The following SHROOM4 variants were observed in gnomAD, a reference collection of about 807,000 sequenced individuals.
SHROOM4 encodes the protein shroom family member 4, also known as protein Shroom4.
In SHROOM4, 17 loss-of-function variants were observed where a neutral mutation model predicts 80.3. The observed-to-expected ratio is 0.21, with a 90% CI of 0.14 to 0.32. The LOEUF is 0.32. Among genes scored for constraint, SHROOM4 ranks in the 10% least tolerant of loss-of-function variants. SHROOM4 has a pLI of 1.00. For missense variants in SHROOM4, 993 were observed against 1,140.3 expected, an observed-to-expected ratio of 0.87 and a Z score of 1.86; for synonymous variants, 400 against 437.5, an observed-to-expected ratio of 0.91 and a Z score of 1.07.
At chrX:50,649,313 C>T (rs143622930) in intron 2 of SHROOM4, among the ~76,000 whole-genome samples, 12 of 111,936 alleles carry the variant, frequency 1.1e-4, no homozygotes, top group African/African-American at 2.3e-4. Flanking sequence ...GGTTGGGGCA[C>T]GGTATGGACA....
intron 1 of SHROOM4, among the ~76,000 whole-genome samples, chrX:50,765,915 CA>C (rs1935264493): frequency 9.0e-6 from 1 of 111,676 alleles, no homozygotes; most frequent in South Asian, 3.8e-4. Flanking sequence ...CACTGTTCCC[CA>C]ATTTGTAACT....
At chrX:50,772,961 C>T (rs1049659754) in intron 1 of SHROOM4, among the ~76,000 whole-genome samples, 5 of 111,875 alleles carry the variant, frequency 4.5e-5, no homozygotes, top group African/African-American at 1.6e-4. Flanking sequence ...GACCAATGAC[C>T]AAGGGGCCAC....
rs1931311169 is a variant in SHROOM4 at position 50,635,534 on chromosome X, T to A, written c.539A>T (p.Asn180Ile). ...TGAGTCACGCTGGTTAGGGTACATG[T>A]TCTGGTCAATAGGCAACAGATGGCT... The part of the protein sequence containing the change: ...YESHLLPIDQ[N>I]MYPNQRDSAY... The change falls in exon 4 of 9, where the codon AAC becomes ATC. Residue 180 changes from asparagine (N) to isoleucine (I), a missense_variant. By Grantham distance (149) the Asn-to-Ile change is moderately radical (BLOSUM62 -3). Coordinates refer to ENST00000376020, the MANE Select transcript of SHROOM4 (RefSeq NM_020717.5). 8.3e-7 allele frequency: 1 copy of A among 1,208,498 alleles called. No individual in the cohort carries two copies. The highest frequency in any genetic ancestry group is 1.8e-5 in the African/African-American group (1 of 56,736).
chrX:50,775,958 T>C (rs1557270074), intron 1 of SHROOM4, among the ~76,000 whole-genome samples: 1 of 112,351 alleles, frequency 8.9e-6, no homozygotes, highest in Admixed American at 9.4e-5. Flanking sequence ...TAAGTATGAT[T>C]GCCGTTATGA....
At chrX:50,707,420 T>C (rs1279672151) in intron 1 of SHROOM4, among the ~76,000 whole-genome samples, 2 of 112,349 alleles carry the variant, frequency 1.8e-5, no homozygotes, top group Non-Finnish European at 3.8e-5. Context: ...GCCACCATGA[T>C]ATGGCTTTAA....
intron 5 of SHROOM4, among the ~76,000 whole-genome samples, chrX:50,609,074 G>T (rs1929829890): frequency 9.1e-6 from 1 of 110,208 alleles, no homozygotes; most frequent in Non-Finnish European, 1.9e-5. Context: ...ACTAGCCTAG[G>T]CAACATAGCA....
At chrX:50,770,147 C>T (rs1197669737) in intron 1 of SHROOM4, among the ~76,000 whole-genome samples, 1 of 110,789 alleles carries the variant, frequency 9.0e-6, no homozygotes, top group Admixed American at 9.6e-5. Context: ...CAGCAACTCC[C>T]CTGCCCCAAG....
At chrX:50,738,225 C>T (rs1234350708) in intron 1 of SHROOM4, among the ~76,000 whole-genome samples, 1 of 111,315 alleles carries the variant, frequency 9.0e-6, no homozygotes, top group Non-Finnish European at 1.9e-5. Context: ...CAATATCATA[C>T]TGAATGGGCA....
At chrX:50,755,007 A>T (rs2082297675) in intron 1 of SHROOM4, among the ~76,000 whole-genome samples, 2 of 112,272 alleles carry the variant, frequency 1.8e-5, no homozygotes, top group Admixed American at 9.4e-5. Context: ...TATCTTCCTC[A>T]CAGGATTATG....
rs147774621 is a variant in SHROOM4 at position 50,588,719 on chromosome X, C to T, written c.*7976G>A. Among the ~76,000 whole-genome samples, 3,925 of 112,465 alleles carry T rather than the reference C, an allele frequency of 0.035. 159 individuals carry two copies. Among genetic ancestry groups the T allele is most frequent in the African/African-American group, 0.11 (3,537 of 30,972 alleles). ...CTTTACTTTTCCTTATATTGTTCTA[C>T]TTCAATCTCACCTCAATAAAAATAA... On this transcript the variant is annotated 3_prime_UTR_variant, in exon 9 of 9. Transcript: ENST00000376020.
intron 1 of SHROOM4, among the ~76,000 whole-genome samples, chrX:50,763,494 C>CA (rs1333446895): frequency 9.0e-6 from 1 of 111,428 alleles, no homozygotes; most frequent in Non-Finnish European, 1.9e-5. Context: ...TATACTGTAA[C>CA]AAATCTAGAT....
At chrX:50,598,136 T>C in intron 8 of SHROOM4, 130 bp downstream of exon 8, 1 of 922,951 alleles carries the variant, frequency 1.1e-6, no homozygotes, top group African/African-American at 1.9e-5. Context: ...ACCGTGCCCA[T>C]CCTCAGTGCT....
intron 1 of SHROOM4, among the ~76,000 whole-genome samples, chrX:50,799,033 C>T (rs781977434): frequency 8.9e-6 from 1 of 112,205 alleles, no homozygotes; most frequent in East Asian, 2.8e-4. Context: ...GCAGCCATGT[C>T]CTTCCTATCT....
intron 5 of SHROOM4, among the ~76,000 whole-genome samples, chrX:50,613,880 C>T (rs946318341): frequency 8.9e-6 from 1 of 111,778 alleles, no homozygotes; most frequent in African/African-American, 3.3e-5. Flanking sequence ...GGAAGACCAG[C>T]CCTACCAATT....
downstream of SHROOM4, among the ~76,000 whole-genome samples, chrX:50,585,043 A>G (rs782168155): frequency 2.7e-5 from 3 of 111,069 alleles, no homozygotes; most frequent in East Asian, 8.5e-4. Flanking sequence ...TCCAACATTT[A>G]ATGATTGTAT....
At chrX:50,600,479 A>T (rs12843726) in intron 7 of SHROOM4, among the ~76,000 whole-genome samples, 1 of 112,017 alleles carries the variant, frequency 8.9e-6, no homozygotes, top group South Asian at 3.8e-4. Context: ...AAATAAGATA[A>T]CAATAGGACC....
At chrX:50,784,967 T>G (rs1557270928) in intron 1 of SHROOM4, among the ~76,000 whole-genome samples, 2 of 111,638 alleles carry the variant, frequency 1.8e-5, no homozygotes, top group African/African-American at 6.5e-5. Context: ...AAATAGACAC[T>G]TCACTAAAGA....
intron 1 of SHROOM4, among the ~76,000 whole-genome samples, chrX:50,748,471 G>T (rs1934827950): frequency 9.0e-6 from 1 of 111,344 alleles, no homozygotes. Flanking sequence ...GGAGATTTTA[G>T]TTTCTTAAAA....
intron 2 of SHROOM4, among the ~76,000 whole-genome samples, chrX:50,677,720 A>G (rs1380493968): frequency 9.0e-6 from 1 of 111,547 alleles, no homozygotes; most frequent in African/African-American, 3.3e-5. Context: ...TCATTCATTG[A>G]CTATTTGTTT....
Sources: gnomAD v4.1 joint callset for allele counts (sites outside exome capture counted in the v4.1 genomes callset) on GRCh38, gnomAD v4.1.1 for gene constraint, MANE v1.5 for transcripts, NCBI Gene and HGNC (gene_info 2026-07-23, HGNC 2026-07-21) for gene names.